The following TTF2 variants were observed in gnomAD, a reference collection of about 807,000 sequenced individuals.
TTF2 encodes RNA polymerase II termination factor.
TTF2 carries 108 observed loss-of-function variants against 142.4 expected under a neutral mutation model. The ratio of observed to expected loss-of-function variants is 0.76; its 90% CI spans 0.65 to 0.89. TTF2 has a LOEUF of 0.89. Among genes scored for constraint, TTF2 ranks in the 40% least tolerant of loss-of-function variants. TTF2 has a pLI of 0.00. For missense variants in TTF2, 1,327 were observed against 1,379.8 expected, an observed-to-expected ratio of 0.96 and a Z score of 0.61; for synonymous variants, 483 against 506.2, an observed-to-expected ratio of 0.95 and a Z score of 0.61.
chr1:117,089,926 T>G, intron 13 of TTF2, 129 bp from the exon 14 acceptor site: 1 of 1,106,502 alleles, frequency 9.0e-7, no homozygotes, highest in Non-Finnish European at 1.3e-6. Context: ...AAATTCACTT[T>G]TAAAAGTGAT....
chr1:117,088,492 T>G (rs1269183752), intron 12 of TTF2, among the ~76,000 whole-genome samples: 3 of 151,780 alleles, frequency 2.0e-5, no homozygotes, highest in African/African-American at 7.3e-5. Flanking sequence ...AGCCGAGATC[T>G]CGCCACTGCA....
At chr1:117,081,075 T>C (rs983252970) in intron 9 of TTF2, among the ~76,000 whole-genome samples, 2 of 152,248 alleles carry the variant, frequency 1.3e-5, no homozygotes, top group East Asian at 3.8e-4. Flanking sequence ...GAGCAACTCT[T>C]ACCTTACATC....
At position 117,102,319 on chromosome 1, in the gene TTF2, T is replaced by C. The variant is rs913815162; in HGVS notation, c.*795T>C. 1.4e-5 allele frequency: 1 copy of C among 69,160 alleles called. No homozygotes were observed. The highest frequency in any genetic ancestry group is 3.6e-5 in the Non-Finnish European group (1 of 27,892). The allele number at this position is 69,160 out of a possible 1,614,324, so 4.3% of individuals were successfully genotyped here. ...ATGGGTGGAGCAGAGAGTCAATCCC[T>C]GCAGCCACCCTGCAGCCAGCCATCT... is the stretch of plus-strand genomic sequence containing the variant. On this transcript the variant is annotated 3_prime_UTR_variant, in exon 23 of 23. Transcript: ENST00000369466.
In TTF2 at chr1:117,088,842, C is replaced by A. The variant is rs775181170; in HGVS notation, c.2202C>A (p.Ile734=). The A allele has an allele frequency of 9.3e-6, 15 of 1,613,954 alleles. No homozygotes were observed. In the Admixed American group the frequency reaches 2.3e-4, roughly 25 times the overall value. ...TPLLRIAWAR[I]ILDEAHNVKN... ...TGCTTCGAATAGCCTGGGCTCGAAT[C>A]ATATTGGATGAAGCTCACAATGTTA... Residue 734 remains isoleucine (I), a synonymous_variant, in exon 13 of 23, where the codon ATC becomes ATA. Transcript: ENST00000369466.
In TTF2 at chr1:117,081,934, G is replaced by T. The variant is rs1264452546; in HGVS notation, c.1890G>T (p.Trp630Cys). The change falls in exon 10 of 23, where the codon TGG (tryptophan) becomes TGT (cysteine). Residue 630 changes from tryptophan (W) to cysteine (C), a missense_variant. Coordinates refer to ENST00000369466, the MANE Select transcript of TTF2 (RefSeq NM_003594.4). ...EEKEKSTALT[W>C]LSKDDSCDFT... ...AGGAGAAAAGCACAGCTTTGACGTG[G>T]CTCTCCAAAGATGGTAGACAGAAGT... 2 of 1,614,016 alleles carry T rather than the reference G, an allele frequency of 1.2e-6. No homozygotes were observed. The highest frequency in any genetic ancestry group is 1.7e-6 in the Non-Finnish European group (2 of 1,180,014).
chr1:117,078,376 G>C (rs988000222), intron 8 of TTF2, among the ~76,000 whole-genome samples: 39 of 152,198 alleles, frequency 2.6e-4, no homozygotes, highest in Non-Finnish European at 4.3e-4. Flanking sequence ...ATTAGCAAAG[G>C]CTTTAAGGCA....
chr1:117,076,001 A>G lies in TTF2; in HGVS notation c.1275+142A>G, dbSNP rs1032372172. On this transcript the variant is annotated intron_variant, in intron 5 of 22. Transcript: ENST00000369466. The surrounding 1 kb of genome is among the most constrained non-coding windows in gnomAD (Gnocchi z 4.6). ...ATGTTCAGTTTCTGCCTTTTCCCCT[A>G]TTTATATTTTCAAGATTGGTAAGCC... 5 of 1,368,530 alleles carry G rather than the reference A, an allele frequency of 3.7e-6. No individual in the cohort carries two copies. The highest frequency in any genetic ancestry group is 4.9e-6 in the Non-Finnish European group (5 of 1,027,942). The allele number at this position is 1,368,530 out of a possible 1,614,324, so 84.8% of individuals were successfully genotyped here. A position where few individuals can be genotyped will look rare whatever the true frequency, so the allele number is the denominator to read the frequency against.
intron 2 of TTF2, 35 bp downstream of exon 2, chr1:117,060,592 G>T (rs200925404): frequency 1.3e-6 from 2 of 1,556,354 alleles, no homozygotes; most frequent in East Asian, 2.3e-5. Flanking sequence ...CCCTGTGGCT[G>T]CCCGGGGCCT....
chr1:117,093,744 G>T lies in TTF2; in HGVS notation c.2976+843G>T, dbSNP rs1053049256. Among the ~76,000 whole-genome samples the T allele has an allele frequency of 6.6e-6, 1 of 152,212 alleles. No homozygotes were observed. Among genetic ancestry groups the T allele is most frequent in the Non-Finnish European group, 1.5e-5 (1 of 68,022 alleles). ...CAGAACACACATGCTAGTGCCTTCA[G>T]AGTGAGCTATTGGGCTAAAATTTAA... On this transcript the variant is annotated intron_variant, in intron 18 of 22. Coordinates refer to ENST00000369466, the MANE Select transcript of TTF2 (RefSeq NM_003594.4). This position sits in a 1 kb window ranked among gnomAD's most constrained non-coding sequence, Gnocchi z 4.5.
rs766128290 is a variant in TTF2 at position 117,095,213 on chromosome 1, AGACG to A, written c.2977-95_2977-92del. On this transcript the variant is annotated intron_variant, in intron 18 of 22. Coordinates refer to ENST00000369466, the MANE Select transcript of TTF2 (RefSeq NM_003594.4). ...ATAAAGACAGGTGAGGCCAGAGCAC[AGACG>A]CCATGTAGGAGGCTGCTTCGCATGG... 1.6e-4 allele frequency: 182 copies of A among 1,149,344 alleles called. 1 individual carries two copies. The highest frequency in any genetic ancestry group is 9.2e-5 in the Non-Finnish European group (70 of 763,156). The allele number at this position is 1,149,344 out of a possible 1,614,324, so 71.2% of individuals were successfully genotyped here. A position where few individuals can be genotyped will look rare whatever the true frequency, so the allele number is the denominator to read the frequency against.
chr1:117,067,110 TG>T (rs1462612850), intron 3 of TTF2, among the ~76,000 whole-genome samples: 1 of 152,240 alleles, frequency 6.6e-6, no homozygotes, highest in Admixed American at 6.5e-5. Context: ...TAACGTTCTT[TG>T]TACTAGATGG....
rs1418760097 is a variant in TTF2, at chr1:117,087,482, G to A, written c.2160+960G>A. 6.6e-6 allele frequency among the ~76,000 whole-genome samples: 1 copy of A among 152,146 alleles called. No individual in the cohort carries two copies. The highest frequency in any genetic ancestry group is 2.4e-5 in the African/African-American group (1 of 41,418). ...AATTTTTTGTATTTTTAGTAGAGAT[G>A]GGGTTTCGCCATGTTGGCCAGGCTG... On this transcript the variant is annotated intron_variant, in intron 12 of 22. Coordinates refer to ENST00000369466, the MANE Select transcript of TTF2 (RefSeq NM_003594.4). The surrounding 1 kb of genome is among the most constrained non-coding windows in gnomAD (Gnocchi z 4.8).
chr1:117,078,318 G>A (rs908400486), intron 8 of TTF2, among the ~76,000 whole-genome samples: 2 of 152,208 alleles, frequency 1.3e-5, no homozygotes, highest in East Asian at 1.9e-4. Flanking sequence ...ATTGTTGCTT[G>A]TAATGAACTA....
chr1:117,101,160 G>A lies in TTF2; in HGVS notation c.3345-220G>A, dbSNP rs748926609. On this transcript the variant is annotated intron_variant, in intron 22 of 22. Coordinates refer to ENST00000369466, the MANE Select transcript of TTF2 (RefSeq NM_003594.4). The surrounding 1 kb of genome is among the most constrained non-coding windows in gnomAD (Gnocchi z 5.9). ...GTTTGTTTCAATTACCTTAGCTTCAGAAAGTATTAAAATGCCAATGTGGGT... is the reference window on the plus strand; with the variant it reads ...GTTTGTTTCAATTACCTTAGCTTCAAAAAGTATTAAAATGCCAATGTGGGT... Among the ~76,000 whole-genome samples, 4 of 152,154 alleles carry A rather than the reference G, an allele frequency of 2.6e-5. No individual in the cohort carries two copies. Among genetic ancestry groups the A allele is most frequent in the Non-Finnish European group, 5.9e-5 (4 of 68,026 alleles).
At chr1:117,066,757 C>T (rs1656171616) in intron 3 of TTF2, among the ~76,000 whole-genome samples, 2 of 140,390 alleles carry the variant, frequency 1.4e-5, no homozygotes, top group South Asian at 4.6e-4. Flanking sequence ...GGCTGGAGTA[C>T]AGTGGCACAA....
rs1389565164 is a variant in TTF2, at chr1:117,090,893, T to C, written c.2588+270T>C. Among the ~76,000 whole-genome samples, 1 of 152,182 alleles carries C rather than the reference T, an allele frequency of 6.6e-6. No homozygotes were observed. Among genetic ancestry groups the C allele is most frequent in the Non-Finnish European group, 1.5e-5 (1 of 68,040 alleles). On this transcript the variant is annotated intron_variant, in intron 15 of 22. Transcript: ENST00000369466. The surrounding 1 kb of genome is among the most constrained non-coding windows in gnomAD (Gnocchi z 4.8). ...TAGGGTGTGGTCACCATATACTGAA[T>C]CTGTCTGGTCCTCATGGGGCTGTAC...
In TTF2 at chr1:117,076,836, G is replaced by A. The variant is rs1418827928; in HGVS notation, c.1573+13G>A. 6.2e-7 allele frequency: 1 copy of A among 1,601,274 alleles called. No homozygotes were observed. Among genetic ancestry groups the A allele is most frequent in the Admixed American group, 1.7e-5 (1 of 58,468 alleles). ...CAGTGCTATCGAGGTAAGACCCAAG[G>A]GCCTGACCCTGCTGTGAATAGCCAC... On this transcript the variant is annotated intron_variant, in intron 7 of 22. Transcript: ENST00000369466. This position sits in a 1 kb window ranked among gnomAD's most constrained non-coding sequence, Gnocchi z 4.6.
In TTF2 at chr1:117,098,903, C is replaced by A. The variant is rs138774321; in HGVS notation, c.3340C>A (p.His1114Asn). 1.2e-6 allele frequency: 2 copies of A among 1,612,758 alleles called. No homozygotes were observed. Among genetic ancestry groups the A allele is most frequent in the African/African-American group, 2.7e-5 (2 of 74,636 alleles). The stretch of plus-strand genomic sequence containing the variant: ...AGGGCAGCAGAAAGATGTTGTCATA[C>A]ACAGGTAAGTAATGGTCCCCAGGAC... ...RVGQQKDVVI[H>N]RFVCEGTVEE... Residue 1114 changes from histidine to asparagine, a missense_variant, in exon 22 of 23, where the codon CAC (histidine) becomes AAC (asparagine). By Grantham distance (68) the His-to-Asn change is moderately conservative (BLOSUM62 1). Transcript: ENST00000369466.
In TTF2 at chr1:117,087,958, A is replaced by T. The variant is rs1557822530; in HGVS notation, c.2161-843A>T. ...GTGCTGTTTCGTCAAGAGCAGCCAG[A>T]TTCCCACTTCAGGTATTGAACTAGC... On this transcript the variant is annotated intron_variant, in intron 12 of 22. Coordinates refer to ENST00000369466, the MANE Select transcript of TTF2 (RefSeq NM_003594.4). The surrounding 1 kb of genome is among the most constrained non-coding windows in gnomAD (Gnocchi z 4.8). 6.6e-6 allele frequency among the ~76,000 whole-genome samples: 1 copy of T among 152,206 alleles called. No homozygotes were observed. The highest frequency in any genetic ancestry group is 1.5e-5 in the Non-Finnish European group (1 of 68,038).
Sources: gnomAD v4.1 joint callset for allele counts (sites outside exome capture counted in the v4.1 genomes callset) on GRCh38, gnomAD v4.1.1 for gene constraint, Gnocchi (gnomAD v3.1) non-coding constraint, MANE v1.5 for transcripts, NCBI Gene and HGNC (gene_info 2026-07-23, HGNC 2026-07-21) for gene names.